Variants in ADGRB3 observed in about 807,000 individuals in gnomAD.
ADGRB3 encodes the protein brain-specific angiogenesis inhibitor 3.
A neutral mutation model predicts 193.4 loss-of-function variants in ADGRB3; 37 were observed. The observed-to-expected ratio is 0.19, with a 90% confidence interval of 0.15 to 0.25. ADGRB3 has a LOEUF of 0.25. Among genes scored for constraint, ADGRB3 ranks in the 10% least tolerant of loss-of-function variants. The pLI, the probability that ADGRB3 is intolerant of heterozygous loss-of-function variation, is 1.00. For synonymous variants in ADGRB3, 690 were observed against 644.2 expected, an observed-to-expected ratio of 1.07 and a Z score of -1.08; for missense variants, 1,637 against 1,852.9, an observed-to-expected ratio of 0.88 and a Z score of 2.14.
In ADGRB3 at chr6:69,354,294, C is replaced by T. The variant is rs865786073; in HGVS notation, c.3521C>T (p.Ser1174Leu). ...CAGGATCCCATCAATGCAGATTCTT[C>T]GAGTTCGTTTCCTAATGGGCATGCT... ...NCQDPINADS[S>L]SSFPNGHAQI... The change falls in exon 27 of 32, where the codon TCG becomes TTG. Residue 1174 changes from serine (S) to leucine (L), a missense_variant. This residue lies in a region of ADGRB3 where 116 missense variants were observed against 168.1 expected (regional missense o/e 0.69). Transcript: ENST00000370598. 20 of 1,613,752 alleles carry T rather than the reference C, an allele frequency of 1.2e-5. No homozygotes were observed. The highest frequency in any genetic ancestry group is 3.3e-5 in the Admixed American group (2 of 59,988).
chr6:69,072,693 G>A (rs1281351694), intron 16 of ADGRB3, among the ~76,000 whole-genome samples: 1 of 152,116 alleles, frequency 6.6e-6, no homozygotes, highest in Non-Finnish European at 1.5e-5. Context: ...AAGTTCCTCA[G>A]CTGCACTTGG....
intron 17 of ADGRB3, among the ~76,000 whole-genome samples, chr6:69,212,954 C>T (rs1161227004): frequency 2.6e-5 from 4 of 152,042 alleles, no homozygotes; most frequent in African/African-American, 9.7e-5. Context: ...TTATCTTTTG[C>T]AAGGAAGCTG....
chr6:68,842,266 G>A (rs1442062821), intron 3 of ADGRB3, among the ~76,000 whole-genome samples: 1 of 151,224 alleles, frequency 6.6e-6, no homozygotes, highest in African/African-American at 2.4e-5. Context: ...AAATAAAATT[G>A]ACAAACTTTT....
At chr6:68,715,273 T>G (rs1257534178) in intron 3 of ADGRB3, among the ~76,000 whole-genome samples, 1 of 151,506 alleles carries the variant, frequency 6.6e-6, no homozygotes, top group Non-Finnish European at 1.5e-5. Context: ...CCCTCCAGAT[T>G]GTGTAACGCA....
At position 68,772,891 on chromosome 6, in the gene ADGRB3, A is replaced by C. The variant is rs1369278697; in HGVS notation, c.757+133459A>C. ...CAAACAAACAAACAAACAAAAAAAAAAAAATATATATATATATATATATAT... is the reference window on the plus strand; with the variant it reads ...CAAACAAACAAACAAACAAAAAAAACAAAATATATATATATATATATATAT... On this transcript the variant is annotated intron_variant, in intron 3 of 31. Coordinates refer to ENST00000370598, the MANE Select transcript of ADGRB3 (RefSeq NM_001704.3). Among the ~76,000 whole-genome samples, 160 of 35,850 alleles carry C rather than the reference A, an allele frequency of 4.5e-3. 8 individuals are homozygous for C. Among genetic ancestry groups the C allele is most frequent in the African/African-American group, 0.025 (148 of 5,934 alleles). The allele number at this position is 35,850 out of a possible 152,430, so 23.5% of individuals were successfully genotyped here.
intron 3 of ADGRB3, among the ~76,000 whole-genome samples, chr6:68,668,104 A>T (rs934833966): frequency 3.3e-5 from 5 of 152,008 alleles, no homozygotes; most frequent in African/African-American, 1.2e-4. Context: ...GTTAGAGAAC[A>T]GGAAGTTACC....
At chr6:69,064,654 T>C (rs956606798) in intron 16 of ADGRB3, among the ~76,000 whole-genome samples, 14 of 152,132 alleles carry the variant, frequency 9.2e-5, no homozygotes, top group African/African-American at 3.4e-4. Flanking sequence ...AGATTAATTC[T>C]CTGTATCAGA....
intron 17 of ADGRB3, among the ~76,000 whole-genome samples, chr6:69,141,924 T>C (rs1912988): frequency 0.76 from 116,104 of 152,116 alleles, 45,784 homozygotes; most frequent in East Asian, 1. Context: ...AAGCTAAATC[T>C]TAACTGAATT....
intron 3 of ADGRB3, among the ~76,000 whole-genome samples, chr6:68,767,698 A>T (rs571340557): frequency 2.6e-5 from 4 of 152,294 alleles, no homozygotes; most frequent in South Asian, 4.1e-4. Context: ...CAGGGCAATC[A>T]GGCAAGAGAA....
chr6:69,037,156 C>G (rs1416755799), intron 13 of ADGRB3, among the ~76,000 whole-genome samples: 1 of 151,990 alleles, frequency 6.6e-6, no homozygotes, highest in East Asian at 1.9e-4. Context: ...AAGAATGACC[C>G]CCAGATGTGT....
chr6:68,917,306 T>C (rs1766908683), intron 3 of ADGRB3, among the ~76,000 whole-genome samples: 2 of 152,226 alleles, frequency 1.3e-5, no homozygotes, highest in South Asian at 4.1e-4. Flanking sequence ...AAAGGCTTGG[T>C]AGGTACCTCG....
chr6:69,280,965 C>T (rs989782031), intron 20 of ADGRB3, among the ~76,000 whole-genome samples: 1 of 152,140 alleles, frequency 6.6e-6, no homozygotes, highest in Admixed American at 6.5e-5. Context: ...CTAAAATGTC[C>T]TAGTAACCAG....
chr6:69,190,445 A>T (rs1488065976), intron 17 of ADGRB3, among the ~76,000 whole-genome samples: 1 of 151,986 alleles, frequency 6.6e-6, no homozygotes, highest in Non-Finnish European at 1.5e-5. Context: ...AAGAAAGAAA[A>T]TATTTCTGGG....
Position 69,388,983 on chromosome 6 carries a change from C to T in ADGRB3, c.*92C>T. On this transcript the variant is annotated 3_prime_UTR_variant, in exon 32 of 32. Coordinates refer to ENST00000370598, the MANE Select transcript of ADGRB3 (RefSeq NM_001704.3). ...TGACATTTCTATCTGGACAGTGTGA[C>T]TATCTTATGTCAGGACCTTCATGTG... 1 of 1,291,040 alleles carries T rather than the reference C, an allele frequency of 7.7e-7. No individual in the cohort carries two copies. The highest frequency in any genetic ancestry group is 1.1e-6 in the Non-Finnish European group (1 of 947,548). The allele number at this position is 1,291,040 out of a possible 1,614,324, so 80.0% of individuals were successfully genotyped here.
chr6:69,312,721 C>A (rs1043525366), intron 20 of ADGRB3, among the ~76,000 whole-genome samples: 3 of 151,582 alleles, frequency 2.0e-5, no homozygotes, highest in African/African-American at 7.3e-5. Context: ...TTCAAAAGTT[C>A]ATCCTAAATA....
chr6:69,364,434 C>T (rs1177669357), intron 29 of ADGRB3, among the ~76,000 whole-genome samples: 1 of 152,054 alleles, frequency 6.6e-6, no homozygotes, highest in Non-Finnish European at 1.5e-5. Flanking sequence ...AGCACAACAG[C>T]TTCCAGCCTT....
chr6:69,220,006 A>C (rs1222986272), intron 17 of ADGRB3, among the ~76,000 whole-genome samples: 1 of 152,040 alleles, frequency 6.6e-6, no homozygotes, highest in Non-Finnish European at 1.5e-5. Flanking sequence ...CCTCATTTTT[A>C]AGATGCTTGA....
intron 3 of ADGRB3, among the ~76,000 whole-genome samples, chr6:68,910,716 A>G (rs1254149444): frequency 6.6e-6 from 1 of 152,180 alleles, no homozygotes; most frequent in East Asian, 1.9e-4. Flanking sequence ...AGATAGTTGT[A>G]GATATGTGGC....
intron 5 of ADGRB3, among the ~76,000 whole-genome samples, chr6:68,939,123 G>T (rs1215542342): frequency 6.6e-6 from 1 of 152,150 alleles, no homozygotes; most frequent in African/African-American, 2.4e-5. Flanking sequence ...GGTGGGATCA[G>T]AGCGCTTCTC....
Sources: allele counts gnomAD v4.1 joint callset (sites outside exome capture counted in the v4.1 genomes callset), GRCh38; gene constraint gnomAD v4.1.1; regional missense constraint gnomAD v4.1.1; transcripts MANE v1.5; gene names NCBI Gene and HGNC (gene_info 2026-07-23, HGNC 2026-07-21).